SRBD1: variants seen among roughly 807,000 people sequenced by gnomAD.
SRBD1 encodes S1 RNA-binding domain-containing protein 1.
SRBD1 carries 88 observed loss-of-function variants against 115.3 expected under a neutral mutation model. That is an observed-to-expected ratio of 0.76 (90% CI 0.64 to 0.91). The LOEUF (loss-of-function observed/expected upper bound fraction) is 0.91. Ranked by LOEUF, SRBD1 falls within the 40% of genes least tolerant of loss-of-function variation. SRBD1 has a pLI of 0.00. For synonymous variants in SRBD1, 509 were observed against 407.7 expected, an observed-to-expected ratio of 1.25 and a Z score of -2.99; for missense variants, 1,385 against 1,177.4, an observed-to-expected ratio of 1.18 and a Z score of -2.58.
At chr2:45,420,212 T>A (rs1443798885) in intron 16 of SRBD1, among the ~76,000 whole-genome samples, 1 of 152,184 alleles carries the variant, frequency 6.6e-6, no homozygotes, top group Non-Finnish European at 1.5e-5. Flanking sequence ...CACACCCACA[T>A]CCAGATTCCT....
intron 16 of SRBD1, among the ~76,000 whole-genome samples, chr2:45,424,551 G>C (rs1025121779): frequency 1.3e-5 from 2 of 151,840 alleles, no homozygotes; most frequent in African/African-American, 2.4e-5. Flanking sequence ...TTGTATTTAG[G>C]TATTAAAAAC....
intron 4 of SRBD1, among the ~76,000 whole-genome samples, chr2:45,598,832 C>A (rs749089010): frequency 1.2e-4 from 18 of 151,972 alleles, no homozygotes; most frequent in African/African-American, 1.9e-4. Context: ...AGAGGCACTA[C>A]CATAATTAAG....
chr2:45,567,077 C>A (rs1438525662), intron 9 of SRBD1, among the ~76,000 whole-genome samples: 1 of 152,068 alleles, frequency 6.6e-6, no homozygotes, highest in East Asian at 1.9e-4. Context: ...AATATTACCA[C>A]AAAATAATTC....
chr2:45,445,995 G>A (rs1668812408), intron 16 of SRBD1, among the ~76,000 whole-genome samples: 1 of 152,188 alleles, frequency 6.6e-6, no homozygotes, highest in Non-Finnish European at 1.5e-5. Flanking sequence ...AAAGTCAGAA[G>A]GAAGAAGTTG....
chr2:45,429,244 T>C (rs1049417770), intron 16 of SRBD1, among the ~76,000 whole-genome samples: 1 of 152,174 alleles, frequency 6.6e-6, no homozygotes, highest in Non-Finnish European at 1.5e-5. Flanking sequence ...CCATTCCTTC[T>C]GAAACCATTC....
At chr2:45,397,991 A>G (rs914865806) in intron 19 of SRBD1, among the ~76,000 whole-genome samples, 1 of 152,214 alleles carries the variant, frequency 6.6e-6, no homozygotes. Flanking sequence ...ACAAGTAATT[A>G]TAAATTCAAG....
chr2:45,431,893 T>C (rs1668349103), intron 16 of SRBD1, among the ~76,000 whole-genome samples: 1 of 152,182 alleles, frequency 6.6e-6, no homozygotes, highest in African/African-American at 2.4e-5. Flanking sequence ...CTAGCAGCTA[T>C]TTATGTAATA....
chr2:45,473,743 T>C (rs1669720688), intron 16 of SRBD1, among the ~76,000 whole-genome samples: 1 of 152,226 alleles, frequency 6.6e-6, no homozygotes. Flanking sequence ...AGTTCCTCTT[T>C]ATCACGTATT....
chr2:45,390,866 T>A (rs1300552620), intron 20 of SRBD1, among the ~76,000 whole-genome samples: 2 of 152,124 alleles, frequency 1.3e-5, no homozygotes, highest in Admixed American at 6.5e-5. Context: ...TAAAAATGAG[T>A]ACGCTAAAAT....
chr2:45,466,166 G>C (rs1669480878), intron 16 of SRBD1, among the ~76,000 whole-genome samples: 1 of 152,182 alleles, frequency 6.6e-6, no homozygotes, highest in South Asian at 2.1e-4. Context: ...TTTTGTGTGT[G>C]TTGAGGGAGC....
intron 11 of SRBD1, among the ~76,000 whole-genome samples, chr2:45,551,703 C>G (rs1285464540): frequency 1.3e-5 from 2 of 151,988 alleles, no homozygotes; most frequent in Admixed American, 1.3e-4. Context: ...ATCATAGAAA[C>G]AGCAAGTAAT....
At chr2:45,572,071 C>T (rs1005945873) in intron 9 of SRBD1, among the ~76,000 whole-genome samples, 2 of 152,052 alleles carry the variant, frequency 1.3e-5, no homozygotes, top group Admixed American at 1.3e-4. Flanking sequence ...AGACCCATGA[C>T]AAGACACATT....
chr2:45,511,645 C>T (rs1002221071), intron 14 of SRBD1, among the ~76,000 whole-genome samples: 3 of 152,152 alleles, frequency 2.0e-5, no homozygotes, highest in African/African-American at 4.8e-5. Context: ...TTAACTGTGG[C>T]GAGAAACAAT....
chr2:45,414,433 T>C (rs754259880), intron 18 of SRBD1, among the ~76,000 whole-genome samples: 18 of 151,798 alleles, frequency 1.2e-4, no homozygotes, highest in Non-Finnish European at 2.4e-4. Flanking sequence ...TATATACATA[T>C]ACACTATATA....
At chr2:45,508,048 A>G (rs940822111) in intron 14 of SRBD1, among the ~76,000 whole-genome samples, 3 of 152,194 alleles carry the variant, frequency 2.0e-5, no homozygotes, top group African/African-American at 7.2e-5. Context: ...AGCCTGACCG[A>G]TAGATATTTA....
At chr2:45,565,549 T>G (rs1054603647) in intron 9 of SRBD1, among the ~76,000 whole-genome samples, 3 of 152,188 alleles carry the variant, frequency 2.0e-5, no homozygotes, top group African/African-American at 4.8e-5. Context: ...GAGAAAATTT[T>G]TATGACCTCA....
chr2:45,491,017 A>C (rs1670275622), intron 14 of SRBD1, among the ~76,000 whole-genome samples: 1 of 152,168 alleles, frequency 6.6e-6, no homozygotes, highest in African/African-American at 2.4e-5. Flanking sequence ...CTTCAATATA[A>C]AACATGTAAG....
chr2:45,584,483 G>A (rs888880020), intron 5 of SRBD1, among the ~76,000 whole-genome samples: 1 of 152,160 alleles, frequency 6.6e-6, no homozygotes, highest in Non-Finnish European at 1.5e-5. Flanking sequence ...AACGTCAAGA[G>A]GTAGAAAAGT....
intron 16 of SRBD1, among the ~76,000 whole-genome samples, chr2:45,469,483 G>A (rs189956278): frequency 6.6e-6 from 1 of 152,206 alleles, no homozygotes; most frequent in East Asian, 1.9e-4. Flanking sequence ...TTGGTAAAAG[G>A]TTCTTCAAAT....
Sources: allele counts gnomAD v4.1 joint callset (sites outside exome capture counted in the v4.1 genomes callset), GRCh38; gene constraint gnomAD v4.1.1; transcripts MANE v1.5; gene names NCBI Gene and HGNC (gene_info 2026-07-23, HGNC 2026-07-21).